G2E3: variants seen among roughly 807,000 people sequenced by gnomAD.
G2E3 encodes G2/M phase-specific E3 ubiquitin-protein ligase.
Under a neutral mutation model 92.8 loss-of-function variants are expected in G2E3, and 35 were observed. The ratio of observed to expected loss-of-function variants is 0.38; its 90% CI spans 0.29 to 0.50. The LOEUF is 0.50. Among genes scored for constraint, G2E3 ranks in the 20% least tolerant of loss-of-function variants. G2E3 has a pLI of 0.94. For missense variants in G2E3, 554 were observed against 823.8 expected (o/e 0.67, Z 4.01); for synonymous variants, 242 against 272.4 (o/e 0.89, Z 1.10).
At chr14:30,563,879 C>T (rs1045245299) in intron 1 of G2E3, among the ~76,000 whole-genome samples, 8 of 151,956 alleles carry the variant, frequency 5.3e-5, no homozygotes, top group Non-Finnish European at 1.0e-4. Context: ...CCACCACGCC[C>T]GGCTAATTTT....
chr14:30,560,594 A>G (rs1879035361), intron 1 of G2E3: 4 of 557,334 alleles, frequency 7.2e-6, no homozygotes, highest in Admixed American at 6.9e-5. Context: ...TGCTCATTTC[A>G]TATGTGCTGT....
chr14:30,561,137 A>G (rs1055531680), intron 1 of G2E3, among the ~76,000 whole-genome samples: 1 of 152,234 alleles, frequency 6.6e-6, no homozygotes, highest in Non-Finnish European at 1.5e-5. Flanking sequence ...TAAGTCTCCA[A>G]TTACATTGAG....
At chr14:30,600,794 A>G (rs1457392071) in intron 8 of G2E3, among the ~76,000 whole-genome samples, 1 of 152,048 alleles carries the variant, frequency 6.6e-6, no homozygotes, top group Non-Finnish European at 1.5e-5. Flanking sequence ...TGGAATCCTC[A>G]CTCTGAGACT....
chr14:30,563,694 T>TG (rs1241665803), intron 1 of G2E3, among the ~76,000 whole-genome samples: 40 of 126,016 alleles, frequency 3.2e-4, no homozygotes, highest in African/African-American at 9.8e-4. Flanking sequence ...CTTTGTTACT[T>TG]TTGTGTGTGT....
At position 30,619,723 on chromosome 14, in the gene G2E3, T is replaced by G. The variant is rs1328982431; in HGVS notation, c.*3189T>G. The G allele has an allele frequency of 6.6e-6, 1 of 151,308 alleles. No individual in the cohort carries two copies. The highest frequency in any genetic ancestry group is 6.6e-5 in the Admixed American group (1 of 15,166). The allele number at this position is 151,308 out of a possible 1,614,324, so 9.4% of individuals were successfully genotyped here. On this transcript the variant is annotated 3_prime_UTR_variant, in exon 15 of 15. Coordinates refer to ENST00000206595, the MANE Select transcript of G2E3 (RefSeq NM_017769.5). ...ACACTATGCCAGGTATTATGCTAGGTGATCGTTTATATGTCAGCCTATTTC... is the reference window on the plus strand; with the variant it reads ...ACACTATGCCAGGTATTATGCTAGGGGATCGTTTATATGTCAGCCTATTTC...
chr14:30,573,536 T>C (rs1181081179), intron 1 of G2E3: 1 of 152,004 alleles, frequency 6.6e-6, no homozygotes, highest in African/African-American at 2.4e-5. Flanking sequence ...AGTCCCATTA[T>C]CTGTTTGCAA....
intron 10 of G2E3, among the ~76,000 whole-genome samples, chr14:30,604,504 G>T (rs1881731531): frequency 6.6e-6 from 1 of 152,232 alleles, no homozygotes; most frequent in Non-Finnish European, 1.5e-5. Flanking sequence ...AGATTGCTGG[G>T]CTTCATGCCG....
At chr14:30,585,665 C>T (rs75014526) in intron 2 of G2E3, among the ~76,000 whole-genome samples, 2,228 of 149,430 alleles carry the variant, frequency 0.015, 49 homozygotes, top group African/African-American at 0.052. Context: ...TTTTTTACTC[C>T]CTCTATTGTT....
chr14:30,581,204 C>G, intron 2 of G2E3, 88 bp downstream of exon 2: 1 of 744,840 alleles, frequency 1.3e-6, no homozygotes, highest in East Asian at 2.6e-5. Flanking sequence ...AATGAATTCC[C>G]TGGCACAAGC....
At chr14:30,604,380 T>C (rs1258152059) in intron 10 of G2E3, among the ~76,000 whole-genome samples, 1 of 152,232 alleles carries the variant, frequency 6.6e-6, no homozygotes, top group East Asian at 1.9e-4. Context: ...AAATGATCCA[T>C]GGGCATTGCC....
intron 12 of G2E3, among the ~76,000 whole-genome samples, chr14:30,610,310 A>G (rs965185618): frequency 2.6e-5 from 4 of 152,200 alleles, no homozygotes; most frequent in African/African-American, 4.8e-5. Flanking sequence ...AAAATGTATT[A>G]TAATGCTAAA....
rs376522784 is a variant in G2E3 at position 30,567,843 on chromosome 14, C to G, written c.-5+8571C>G. Among the ~76,000 whole-genome samples the G allele has an allele frequency of 1.3e-3, 196 of 152,048 alleles. 2 individuals carry two copies. The highest frequency in any genetic ancestry group is 4.4e-3 in the African/African-American group (183 of 41,540). On this transcript the variant is annotated intron_variant, in intron 1 of 14. Coordinates refer to ENST00000206595, the MANE Select transcript of G2E3 (RefSeq NM_017769.5). ...TGTTATTTAATCTCCATATGTTTCTCAGTTTTCCAGTTTTCCTTTTATTGA... is the reference window on the plus strand; with the variant it reads ...TGTTATTTAATCTCCATATGTTTCTGAGTTTTCCAGTTTTCCTTTTATTGA...
In G2E3 at chr14:30,580,986, T is replaced by C. The variant is rs1031751392; in HGVS notation, c.-4-90T>C. ...AAATACTAGAGTATTAGATGACTTA[T>C]TTGTCATTATGCATTGACTGCAAGT... On this transcript the variant is annotated intron_variant, in intron 1 of 14. Transcript: ENST00000206595. The C allele has an allele frequency of 5.3e-6, 4 of 754,028 alleles. No individual in the cohort carries two copies. In the African/African-American group the frequency reaches 7.0e-5, roughly 13 times the overall value. The allele number at this position is 754,028 out of a possible 1,614,324, so 46.7% of individuals were successfully genotyped here.
intron 6 of G2E3, among the ~76,000 whole-genome samples, chr14:30,595,513 A>T (rs1269403484): frequency 6.6e-6 from 1 of 152,234 alleles, no homozygotes; most frequent in Non-Finnish European, 1.5e-5. Flanking sequence ...TTTTGTCGTT[A>T]AAAAAGTAGA....
chr14:30,599,856 T>C (rs984075582), intron 8 of G2E3, among the ~76,000 whole-genome samples: 3 of 152,202 alleles, frequency 2.0e-5, no homozygotes, highest in African/African-American at 7.2e-5. Context: ...AGCACTGTTC[T>C]AGAGGGTAAT....
chr14:30,579,490 A>T lies in G2E3; in HGVS notation c.-4-1586A>T, dbSNP rs146318058. Among the ~76,000 whole-genome samples the T allele has an allele frequency of 3.7e-3, 557 of 152,326 alleles. 7 individuals carry two copies. The highest frequency in any genetic ancestry group is 0.013 in the African/African-American group (526 of 41,576). ...AAACACTTTTTACAGTCAGTATGAA[A>T]TATAAATTCTAATTGTAAGGAAGCA... On this transcript the variant is annotated intron_variant, in intron 1 of 14. Transcript: ENST00000206595.
chr14:30,605,417 CT>C, intron 10 of G2E3, 87 bp from the exon 11 acceptor site: 1 of 496,128 alleles, frequency 2.0e-6, no homozygotes, highest in Non-Finnish European at 3.6e-6. Context: ...TTTTTTTCCC[CT>C]CGTCTTGTTT....
At position 30,569,649 on chromosome 14, in the gene G2E3, G is replaced by A. The variant is rs559274776; in HGVS notation, c.-5+10377G>A. 5.9e-5 allele frequency among the ~76,000 whole-genome samples: 9 copies of A among 152,218 alleles called. No individual in the cohort carries two copies. The South Asian group carries it at 1.9e-3, about 32-fold the overall frequency. On this transcript the variant is annotated intron_variant, in intron 1 of 14. Transcript: ENST00000206595. Reference sequence around the variant, plus strand: ...GCTTTAAGAAGGGTACTTTGGATTGGGCTGGTTATTTAGAGCCTGACTTGG... The same window carrying A: ...GCTTTAAGAAGGGTACTTTGGATTGAGCTGGTTATTTAGAGCCTGACTTGG...
rs139629976 is a variant in G2E3 at position 30,579,553 on chromosome 14, A to G, written c.-4-1523A>G. On this transcript the variant is annotated intron_variant, in intron 1 of 14. Coordinates refer to ENST00000206595, the MANE Select transcript of G2E3 (RefSeq NM_017769.5). ...AATTTGGTTAATCAGTCTTCATAAA[A>G]TAATCTGTGTCCTACATTTTGTGGT... is the stretch of plus-strand genomic sequence containing the variant. 1.5e-3 allele frequency among the ~76,000 whole-genome samples: 229 copies of G among 152,354 alleles called. 1 individual carries two copies. Among genetic ancestry groups the G allele is most frequent in the African/African-American group, 4.7e-3 (197 of 41,588 alleles).
Sources: gnomAD v4.1 joint callset for allele counts (sites outside exome capture counted in the v4.1 genomes callset) on GRCh38, gnomAD v4.1.1 for gene constraint, MANE v1.5 for transcripts, NCBI Gene and HGNC (gene_info 2026-07-23, HGNC 2026-07-21) for gene names.